Variants in FMN2 observed in about 807,000 individuals in gnomAD.
The protein encoded by FMN2 is formin 2.
A neutral mutation model predicts 142.3 loss-of-function variants in FMN2; 51 were observed. That is an observed-to-expected ratio of 0.36 (90% confidence interval 0.29 to 0.45). The LOEUF (loss-of-function observed/expected upper bound fraction) is 0.45. FMN2 is among the 20% of genes least tolerant of loss of function. FMN2 has a pLI of 1.00. For missense variants in FMN2, 1,936 were observed against 2,122.8 expected, an observed-to-expected ratio of 0.91 and a Z score of 1.73; for synonymous variants, 882 against 869.8, an observed-to-expected ratio of 1.01 and a Z score of -0.25.
intron 6 of FMN2, among the ~76,000 whole-genome samples, chr1:240,233,067 A>G (rs1338756730): frequency 6.6e-6 from 1 of 152,186 alleles, no homozygotes; most frequent in Non-Finnish European, 1.5e-5. Flanking sequence ...CACTTAATAA[A>G]TTCAGATTAT....
chr1:240,103,952 C>T (rs937609805), intron 1 of FMN2, among the ~76,000 whole-genome samples: 3 of 151,812 alleles, frequency 2.0e-5, no homozygotes, highest in Non-Finnish European at 4.4e-5. Flanking sequence ...TCTCGGCTCA[C>T]TGCAAGCTCC....
intron 14 of FMN2, among the ~76,000 whole-genome samples, chr1:240,379,808 A>G (rs1209498737): frequency 1.3e-5 from 2 of 152,200 alleles, no homozygotes; most frequent in Non-Finnish European, 2.9e-5. Flanking sequence ...AACAAAACAA[A>G]ACGTTGGTTT....
chr1:240,225,971 TGAAC>T (rs1357351886), intron 6 of FMN2, among the ~76,000 whole-genome samples: 20 of 151,818 alleles, frequency 1.3e-4, no homozygotes, highest in African/African-American at 4.6e-4. Context: ...TCAGCAGACT[TGAAC>T]ATAGATCAAT....
At chr1:240,319,726 TTAAC>T (rs1304768689) in intron 8 of FMN2, among the ~76,000 whole-genome samples, 3 of 152,130 alleles carry the variant, frequency 2.0e-5, no homozygotes, top group Non-Finnish European at 4.4e-5. Context: ...TTTGATGTGA[TTAAC>T]TAATGTATAA....
At chr1:240,464,270 G>A (rs1268906026) in intron 16 of FMN2, among the ~76,000 whole-genome samples, 4 of 152,112 alleles carry the variant, frequency 2.6e-5, no homozygotes, top group Non-Finnish European at 5.9e-5. Flanking sequence ...TAAAATTATG[G>A]GGGAGAGTTC....
chr1:240,093,378 C>T lies in FMN2; in HGVS notation c.1269C>T (p.Thr423=), dbSNP rs768799931. The T allele has an allele frequency of 3.1e-6, 5 of 1,613,358 alleles. No individual in the cohort carries two copies. Among genetic ancestry groups the T allele is most frequent in the Non-Finnish European group, 4.2e-6 (5 of 1,179,714 alleles). ...LITPCYIKTT[T]RQLSSPNHSP... is the part of the protein sequence containing the mutation. Reference sequence around the variant, plus strand: ...CCCCCTGCTACATCAAGACCACCACCCGGCAGCTCAGCTCGCCCAATCACT... The same window carrying T: ...CCCCCTGCTACATCAAGACCACCACTCGGCAGCTCAGCTCGCCCAATCACT... The change falls in exon 1 of 18, where the codon ACC becomes ACT. Residue 423 remains threonine (T), a synonymous_variant. Coordinates refer to ENST00000319653, the MANE Select transcript of FMN2 (RefSeq NM_020066.5).
intron 14 of FMN2, among the ~76,000 whole-genome samples, chr1:240,376,287 G>A (rs1442057670): frequency 6.6e-6 from 1 of 151,972 alleles, no homozygotes; most frequent in African/African-American, 2.4e-5. Flanking sequence ...ACAATCTCTG[G>A]CTTTTAATTG....
chr1:240,422,024 G>A (rs1415071787), intron 15 of FMN2, among the ~76,000 whole-genome samples: 1 of 152,180 alleles, frequency 6.6e-6, no homozygotes, highest in Non-Finnish European at 1.5e-5. Flanking sequence ...TGCATGGGGA[G>A]AGAGGAGAGA....
At chr1:240,396,826 T>A (rs1673796404) in intron 15 of FMN2, among the ~76,000 whole-genome samples, 1 of 152,244 alleles carries the variant, frequency 6.6e-6, no homozygotes, top group African/African-American at 2.4e-5. Flanking sequence ...GATGTATGTG[T>A]ACCACATTTT....
chr1:240,255,164 C>T (rs1259861900), intron 6 of FMN2, among the ~76,000 whole-genome samples: 8 of 152,162 alleles, frequency 5.3e-5, no homozygotes, highest in Non-Finnish European at 1.2e-4. Flanking sequence ...AGCTCCCAGC[C>T]GATCCTGGCT....
At chr1:240,111,051 T>A (rs1181890747) in intron 1 of FMN2, among the ~76,000 whole-genome samples, 1 of 152,184 alleles carries the variant, frequency 6.6e-6, no homozygotes, top group Non-Finnish European at 1.5e-5. Context: ...TAGAGAGTAT[T>A]TGAAGTATAT....
At chr1:240,408,378 C>A (rs1674283367) in intron 15 of FMN2, among the ~76,000 whole-genome samples, 1 of 151,274 alleles carries the variant, frequency 6.6e-6, no homozygotes, top group Non-Finnish European at 1.5e-5. Context: ...ATGAAAAAGG[C>A]AATAAGAACA....
At chr1:240,464,918 T>C (rs899793901) in intron 16 of FMN2, among the ~76,000 whole-genome samples, 2 of 152,206 alleles carry the variant, frequency 1.3e-5, no homozygotes, top group Non-Finnish European at 2.9e-5. Flanking sequence ...GCAAGCGCAG[T>C]GTTTTCTCTG....
At chr1:240,281,540 A>C (rs189721861) in intron 7 of FMN2, among the ~76,000 whole-genome samples, 1 of 152,154 alleles carries the variant, frequency 6.6e-6, no homozygotes, top group African/African-American at 2.4e-5. Context: ...CAATGAATCA[A>C]TGATGTTTTC....
chr1:240,198,414 T>C (rs1016166434), intron 4 of FMN2, among the ~76,000 whole-genome samples: 1 of 152,202 alleles, frequency 6.6e-6, no homozygotes, highest in African/African-American at 2.4e-5. Flanking sequence ...AACGTACGCC[T>C]CTTCCTTCCA....
At chr1:240,220,488 G>GC (rs1358702565) in intron 6 of FMN2, among the ~76,000 whole-genome samples, 1 of 152,072 alleles carries the variant, frequency 6.6e-6, no homozygotes, top group Non-Finnish European at 1.5e-5. Flanking sequence ...TTTGAGAAGG[G>GC]CCCTTTAAGG....
At chr1:240,246,076 A>G (rs1425182931) in intron 6 of FMN2, among the ~76,000 whole-genome samples, 1 of 152,182 alleles carries the variant, frequency 6.6e-6, no homozygotes, top group East Asian at 1.9e-4. Context: ...GCTACTCGGG[A>G]GACTGAGGCA....
intron 7 of FMN2, among the ~76,000 whole-genome samples, chr1:240,278,691 C>T (rs1026122191): frequency 3.9e-5 from 6 of 152,162 alleles, no homozygotes; most frequent in South Asian, 2.1e-4. Context: ...CCACTAGCAA[C>T]GATTTCCCTT....
chr1:240,364,737 C>T (rs995749436), intron 14 of FMN2, among the ~76,000 whole-genome samples: 1 of 152,142 alleles, frequency 6.6e-6, no homozygotes, highest in Admixed American at 6.5e-5. Context: ...CCACTGGCAC[C>T]TCACACTAAA....
Sources: gnomAD v4.1 joint callset for allele counts (sites outside exome capture counted in the v4.1 genomes callset) on GRCh38, gnomAD v4.1.1 for gene constraint, MANE v1.5 for transcripts, NCBI Gene and HGNC (gene_info 2026-07-23, HGNC 2026-07-21) for gene names.